ATP6AP2: variants seen among roughly 807,000 people sequenced by gnomAD.
The protein encoded by ATP6AP2 is renin receptor.
A neutral mutation model predicts 23.4 loss-of-function variants in ATP6AP2; 1 was observed. The ratio of observed to expected loss-of-function variants is 0.04; its 90% CI spans 0.02 to 0.20. The LOEUF (loss-of-function observed/expected upper bound fraction) is 0.20. Ranked by LOEUF, ATP6AP2 falls within the 10% of genes least tolerant of loss-of-function variation. ATP6AP2 has a pLI of 1.00. For missense variants in ATP6AP2, 174 were observed against 271.3 expected (o/e 0.64, Z 2.52); for synonymous variants, 90 against 97.1 (o/e 0.93, Z 0.43).
intron 7 of ATP6AP2, chrX:40,600,130 CTG>C (rs2146543869): frequency 4.4e-6 from 1 of 227,733 alleles, no homozygotes; most frequent in African/African-American, 2.9e-5. Flanking sequence ...AACTGAAACT[CTG>C]TACTCCTTAA....
chrX:40,587,348 G>A (rs976005924), intron 1 of ATP6AP2, among the ~76,000 whole-genome samples: 8 of 112,207 alleles, frequency 7.1e-5, no homozygotes, highest in Non-Finnish European at 1.5e-4. Flanking sequence ...AGTGTTTGCA[G>A]TACTACTACT....
intron 8 of ATP6AP2, among the ~76,000 whole-genome samples, chrX:40,601,503 A>G (rs1375994104): frequency 8.9e-6 from 1 of 111,845 alleles, no homozygotes; most frequent in Non-Finnish European, 1.9e-5. Flanking sequence ...TTAGAGGGTC[A>G]GGGTTAAGCA....
chrX:40,603,913 A>C (rs1212617405), intron 8 of ATP6AP2, among the ~76,000 whole-genome samples: 1 of 110,802 alleles, frequency 9.0e-6, no homozygotes, highest in African/African-American at 3.3e-5. Context: ...GCTAATTTTT[A>C]ATTTTAATGT....
chrX:40,600,915 TA>T, intron 8 of ATP6AP2, 34 bp downstream of exon 8: 3 of 1,125,844 alleles, frequency 2.7e-6, no homozygotes, highest in Non-Finnish European at 3.5e-6. Flanking sequence ...TTTAAAACTG[TA>T]AAATTAACTT....
At chrX:40,598,116 C>T (rs1926820409) in intron 5 of ATP6AP2, 1 of 171,743 alleles carries the variant, frequency 5.8e-6, no homozygotes, top group African/African-American at 3.1e-5. Context: ...TTGTTCACTG[C>T]CTCTGCTGAT....
intron 1 of ATP6AP2, among the ~76,000 whole-genome samples, chrX:40,581,902 A>G (rs1926336530): frequency 8.9e-6 from 1 of 112,142 alleles, no homozygotes; most frequent in Admixed American, 9.5e-5. Context: ...ATCAACCTAA[A>G]TAAATTACCC....
chrX:40,581,080 C>T lies in ATP6AP2; in HGVS notation c.15C>T (p.Val5=). 8.6e-7 allele frequency: 1 copy of T among 1,163,959 alleles called. No individual in the cohort carries two copies. The change falls in exon 1 of 9, where the codon GTC becomes GTT. Residue 5 remains valine (V), a synonymous_variant. Coordinates refer to ENST00000636580, the MANE Select transcript of ATP6AP2 (RefSeq NM_005765.3). The part of the protein sequence containing the change: MAVF[V]VLLALVAGVL... ...GCCGCGGCACCATGGCTGTGTTTGT[C>T]GTGCTCCTGGCGTTGGTGGCGGGTG...
rs768989127 is a variant in ATP6AP2, at chrX:40,589,040, G to A, written c.92G>A (p.Arg31Gln). 1.1e-5 allele frequency: 13 copies of A among 1,209,261 alleles called. No individual in the cohort carries two copies. Among genetic ancestry groups the A allele is most frequent in the African/African-American group, 3.5e-5 (2 of 57,722 alleles). ...AAATCACCAGGGTCTGTTGTTTTCCGAAATGGAAATTGGCCTATACCAGGA... is the reference window on the plus strand; with the variant it reads ...AAATCACCAGGGTCTGTTGTTTTCCAAAATGGAAATTGGCCTATACCAGGA... The part of the protein sequence containing the change: ...ILKSPGSVVF[R>Q]NGNWPIPGER... Residue 31 changes from arginine (R) to glutamine (Q), a missense_variant, in exon 2 of 9, where the codon CGA (arginine) becomes CAA (glutamine). Coordinates refer to ENST00000636580, the MANE Select transcript of ATP6AP2 (RefSeq NM_005765.3).
intron 6 of ATP6AP2, 155 bp from the exon 7 acceptor site, chrX:40,599,437 C>A (rs775813884): frequency 6.7e-5 from 42 of 630,891 alleles, no homozygotes; most frequent in Non-Finnish European, 9.6e-5. Context: ...AAACCAGTTT[C>A]TTTTGCCACC....
intron 8 of ATP6AP2, among the ~76,000 whole-genome samples, chrX:40,601,425 C>T (rs1926901816): frequency 8.9e-6 from 1 of 111,953 alleles, no homozygotes; most frequent in African/African-American, 3.3e-5. Context: ...CCTCTGTGTG[C>T]ACCTCTTTAT....
intron 8 of ATP6AP2, 137 bp downstream of exon 8, chrX:40,601,018 T>A: frequency 1.5e-6 from 1 of 654,481 alleles, no homozygotes; most frequent in Non-Finnish European, 2.3e-6. Context: ...AGTTAAAACG[T>A]AAGCTTCTTG....
chrX:40,597,219 A>T (rs1926794528), intron 3 of ATP6AP2, 30 bp from the exon 4 acceptor site: 1 of 1,072,934 alleles, frequency 9.3e-7, no homozygotes, highest in East Asian at 3.0e-5. Flanking sequence ...TGGTTCACAT[A>T]ATAATTGCGT....
rs928953322 is a variant in ATP6AP2 at position 40,600,842 on chromosome X, C to T, written c.819C>T (p.Leu273=). The change falls in exon 8 of 9, where the codon CTC becomes CTT. Residue 273 remains leucine (L), a synonymous_variant. Transcript: ENST00000636580. The part of the protein sequence containing the change: ...LVTVKSFDTS[L]IRKTRTILEA... The stretch of plus-strand genomic sequence containing the variant: ...CTGTCAAGTCATTTGACACCTCCCT[C>T]ATTAGGAAGACAAGGACTATCCTTG... 6 of 1,204,859 alleles carry T rather than the reference C, an allele frequency of 5.0e-6. No homozygotes were observed. The highest frequency in any genetic ancestry group is 3.5e-5 in the African/African-American group (2 of 56,663).
At chrX:40,597,885 A>G (rs1412515098) in intron 5 of ATP6AP2, 1 of 379,592 alleles carries the variant, frequency 2.6e-6, no homozygotes, top group Non-Finnish European at 4.6e-6. Context: ...GCTATTTTAG[A>G]AAATGAAAGA....
intron 1 of ATP6AP2, among the ~76,000 whole-genome samples, chrX:40,586,529 G>T (rs776823024): frequency 3.6e-5 from 4 of 111,811 alleles, no homozygotes; most frequent in Non-Finnish European, 7.5e-5. Context: ...AGGTTATCTG[G>T]TGAGACTGAG....
intron 1 of ATP6AP2, among the ~76,000 whole-genome samples, chrX:40,587,711 A>G (rs1926514798): frequency 8.9e-6 from 1 of 111,905 alleles, no homozygotes; most frequent in African/African-American, 3.3e-5. Flanking sequence ...ACCCCAAATT[A>G]AAAAATCAGC....
chrX:40,588,610 C>T (rs144381449), intron 1 of ATP6AP2, among the ~76,000 whole-genome samples: 1,110 of 110,993 alleles, frequency 0.01, 13 homozygotes, highest in African/African-American at 0.035. Flanking sequence ...GCCAAATTGC[C>T]ACATGCCTCT....
At chrX:40,584,023 G>A (rs1181732995) in intron 1 of ATP6AP2, among the ~76,000 whole-genome samples, 2 of 112,033 alleles carry the variant, frequency 1.8e-5, no homozygotes. Context: ...AGTGGAGTAT[G>A]CTAGGTGATC....
chrX:40,600,649 A>G, intron 7 of ATP6AP2, 113 bp from the exon 8 acceptor site: 2 of 848,608 alleles, frequency 2.4e-6, no homozygotes, highest in African/African-American at 2.0e-5. Context: ...CAATGTGTAC[A>G]TATTTCAAAA....
Sources: gnomAD v4.1 joint callset for allele counts (sites outside exome capture counted in the v4.1 genomes callset) on GRCh38, gnomAD v4.1.1 for gene constraint, MANE v1.5 for transcripts, NCBI Gene and HGNC (gene_info 2026-07-23, HGNC 2026-07-21) for gene names.